ATR: variants seen among roughly 807,000 people sequenced by gnomAD.
ATR encodes the protein ATR checkpoint kinase.
Under a neutral mutation model 305.3 loss-of-function variants are expected in ATR, and 142 were observed. That is an observed-to-expected ratio of 0.47 (90% CI 0.41 to 0.53). ATR has a LOEUF of 0.53. Among genes scored for constraint, ATR ranks in the 20% least tolerant of loss-of-function variants. The pLI is 0.00. For missense variants in ATR, 2,135 were observed against 3,133.1 expected, an observed-to-expected ratio of 0.68 and a Z score of 7.60; for synonymous variants, 1,050 against 1,068.1, an observed-to-expected ratio of 0.98 and a Z score of 0.33.
chr3:142,469,408 T>C lies in ATR; in HGVS notation c.6481A>G (p.Met2161Val), dbSNP rs538022321. The C allele has an allele frequency of 6.2e-7, 1 of 1,613,970 alleles. No individual in the cohort carries two copies. The highest frequency in any genetic ancestry group is 1.1e-5 in the South Asian group (1 of 91,080). Residue 2161 changes from methionine to valine, a missense_variant, in exon 38 of 47, where the codon ATG becomes GTG. By Grantham distance (21) the Met-to-Val change is conservative (BLOSUM62 1). Coordinates refer to ENST00000350721, the MANE Select transcript of ATR (RefSeq NM_001184.4). The part of the protein sequence containing the change: ...HSHDEVFVVL[M>V]EIIAKVFLAY... Reference sequence around the variant, plus strand: ...AGAAATACTTTGGCTATTATTTCCATCAAGACAACAAAAACTTCATCGTGA... The same window carrying C: ...AGAAATACTTTGGCTATTATTTCCACCAAGACAACAAAAACTTCATCGTGA...
intron 21 of ATR, among the ~76,000 whole-genome samples, chr3:142,529,519 A>G (rs972802500): frequency 1.3e-5 from 2 of 152,190 alleles, no homozygotes; most frequent in South Asian, 4.1e-4. Context: ...TTAAATACAT[A>G]AACAGTAACC....
At chr3:142,545,311 G>A (rs2108446844) in intron 16 of ATR, among the ~76,000 whole-genome samples, 1 of 152,190 alleles carries the variant, frequency 6.6e-6, no homozygotes, top group African/African-American at 2.4e-5. Flanking sequence ...AGTCGAGACA[G>A]GGTACTCAGG....
Position 142,562,495 on chromosome 3 carries a change from A to G in ATR, c.907T>C (p.Phe303Leu), listed in dbSNP as rs1024346239. The change falls in exon 4 of 47, where the codon TTT becomes CTT. Residue 303 changes from phenylalanine to leucine, a missense_variant. Coordinates refer to ENST00000350721, the MANE Select transcript of ATR (RefSeq NM_001184.4). ...EPLSKLIKTLFPFEAEAYRNI... is the reference protein window; with the variant it reads ...EPLSKLIKTLLPFEAEAYRNI... ...CTATAAGCTTCTGCTTCAAAGGGAAATAGTGTCTTTATCAGCTTTGATAAT... is the reference window on the plus strand; with the variant it reads ...CTATAAGCTTCTGCTTCAAAGGGAAGTAGTGTCTTTATCAGCTTTGATAAT... 3 of 1,614,132 alleles carry G rather than the reference A, an allele frequency of 1.9e-6. No individual in the cohort carries two copies. Among genetic ancestry groups the G allele is most frequent in the Admixed American group, 1.7e-5 (1 of 60,026 alleles).
chr3:142,485,087 T>G, intron 36 of ATR, 53 bp downstream of exon 36: 1 of 1,603,676 alleles, frequency 6.2e-7, no homozygotes, highest in African/African-American at 1.3e-5. Flanking sequence ...AGTTTCAATA[T>G]TAATAGTCAT....
At chr3:142,474,300 C>T (rs962119809) in intron 36 of ATR, among the ~76,000 whole-genome samples, 8 of 151,956 alleles carry the variant, frequency 5.3e-5, no homozygotes, top group African/African-American at 1.9e-4. Context: ...ATAGAAACTA[C>T]ATTGAATCTG....
intron 35 of ATR, among the ~76,000 whole-genome samples, chr3:142,485,784 GT>G (rs2030881527): frequency 6.6e-6 from 1 of 152,174 alleles, no homozygotes; most frequent in Non-Finnish European, 1.5e-5. Flanking sequence ...TCTCTCACAA[GT>G]TATTGCCCTT....
At chr3:142,566,639 A>C (rs1455059440) in intron 2 of ATR, among the ~76,000 whole-genome samples, 2 of 151,156 alleles carry the variant, frequency 1.3e-5, no homozygotes, top group African/African-American at 2.4e-5. Flanking sequence ...TAAAAAAAAA[A>C]AAACAAAAAG....
In ATR at chr3:142,457,760, G is replaced by A. The variant is rs2070937182; in HGVS notation, c.7504-5C>T. 6.2e-7 allele frequency: 1 copy of A among 1,613,188 alleles called. No homozygotes were observed. The highest frequency in any genetic ancestry group is 1.3e-5 in the African/African-American group (1 of 75,024). On this transcript the variant is annotated splice_region_variant and splice_polypyrimidine_tract_variant and intron_variant, in intron 44 of 46. Transcript: ENST00000350721. Reference sequence around the variant, plus strand: ...TGGAACTTCAAAGGTTTCTCCCTTAGAAACAATACATTTTATTACAAACTA... The same window carrying A: ...TGGAACTTCAAAGGTTTCTCCCTTAAAAACAATACATTTTATTACAAACTA...
intron 21 of ATR, among the ~76,000 whole-genome samples, chr3:142,528,788 G>T (rs1262915967): frequency 7.8e-6 from 1 of 128,568 alleles, no homozygotes; most frequent in Non-Finnish European, 1.6e-5. Flanking sequence ...CCTCTATCCT[G>T]TTTCGTGTTT....
At chr3:142,565,778 A>G (rs1195578780) in intron 3 of ATR, among the ~76,000 whole-genome samples, 3 of 149,202 alleles carry the variant, frequency 2.0e-5, no homozygotes, top group Non-Finnish European at 4.5e-5. Flanking sequence ...ACAAAACACC[A>G]AAACTTTGTT....
chr3:142,457,655 G>C lies in ATR; in HGVS notation c.7604C>G (p.Ala2535Gly). ...PMGTEGLFRR[A>G]CEVTMRLMRD... Reference sequence around the variant, plus strand: ...CATCAGCCTCATTGTAACTTCACATGCTCTTCGAAAAAGACCCTCTGTTCC... The same window carrying C: ...CATCAGCCTCATTGTAACTTCACATCCTCTTCGAAAAAGACCCTCTGTTCC... The change falls in exon 45 of 47, where the codon GCA becomes GGA. Residue 2535 changes from alanine (A) to glycine (G), a missense_variant. Transcript: ENST00000350721. 6.2e-7 allele frequency: 1 copy of C among 1,613,962 alleles called. No homozygotes were observed. Among genetic ancestry groups the C allele is most frequent in the Non-Finnish European group, 8.5e-7 (1 of 1,179,958 alleles).
At chr3:142,458,082 T>C (rs1412947392) in intron 44 of ATR, among the ~76,000 whole-genome samples, 1 of 152,238 alleles carries the variant, frequency 6.6e-6, no homozygotes, top group Admixed American at 6.5e-5. Context: ...TTAATGTCTT[T>C]CTTGAATAAT....
intron 43 of ATR, 34 bp downstream of exon 43, chr3:142,459,193 A>C: frequency 6.2e-7 from 1 of 1,613,500 alleles, no homozygotes; most frequent in East Asian, 2.2e-5. Context: ...TAAACATTCA[A>C]CCATAACAAC....
At chr3:142,485,323 A>G (rs373150059) in intron 35 of ATR, 41 bp from the exon 36 acceptor site, 16 of 1,609,610 alleles carry the variant, frequency 9.9e-6, no homozygotes, top group Non-Finnish European at 1.4e-5. Flanking sequence ...AGGAAATCCC[A>G]CGCTATGCTG....
At chr3:142,509,638 C>A (rs1293381369) in intron 27 of ATR, among the ~76,000 whole-genome samples, 1 of 142,396 alleles carries the variant, frequency 7.0e-6, no homozygotes, top group African/African-American at 2.7e-5. Context: ...CTCACCGTAG[C>A]CTCAATCTCA....
At chr3:142,556,620 T>C (rs766389651) in intron 8 of ATR, 45 bp from the exon 9 acceptor site, 7 of 1,561,038 alleles carry the variant, frequency 4.5e-6, no homozygotes, top group Admixed American at 1.7e-5. Context: ...CTAATGTTAA[T>C]TTTATGTATA....
rs774885093 is a variant in ATR at position 142,563,076 on chromosome 3, C to G, written c.326G>C (p.Arg109Pro). 6.2e-7 allele frequency: 1 copy of G among 1,602,844 alleles called. No individual in the cohort carries two copies. Among genetic ancestry groups the G allele is most frequent in the East Asian group, 2.2e-5 (1 of 44,822 alleles). The change falls in exon 4 of 47, where the codon CGG becomes CCG. Residue 109 changes from arginine (R) to proline (P), a missense_variant. Around this residue, in one of 9 missense-constraint regions of ATR, gnomAD observed 744 missense variants for 873.2 expected, o/e 0.85. Transcript: ENST00000350721. ...ATGACAGGAGGGAGTTGCTGCAATC[C>G]GCAGAAGTCTCGTTATGATCCAATT... ...FSNWIITRLL[R>P]IAATPSCHLL...
chr3:142,512,080 T>G (rs572396601), intron 27 of ATR, among the ~76,000 whole-genome samples, 180 bp downstream of exon 27: 9 of 152,190 alleles, frequency 5.9e-5, no homozygotes, highest in Admixed American at 3.3e-4. Flanking sequence ...GTCACGCCAC[T>G]GCACTCCAGC....
intron 21 of ATR, 82 bp from the exon 22 acceptor site, chr3:142,524,281 T>C: frequency 7.8e-7 from 1 of 1,284,026 alleles, no homozygotes; most frequent in East Asian, 2.5e-5. Context: ...TTAAAAATAT[T>C]AAGGAATATC....
Sources: gnomAD v4.1 joint callset for allele counts (sites outside exome capture counted in the v4.1 genomes callset) on GRCh38, gnomAD v4.1.1 for gene constraint, gnomAD v4.1.1 regional missense constraint, MANE v1.5 for transcripts, NCBI Gene and HGNC (gene_info 2026-07-23, HGNC 2026-07-21) for gene names.